Variants in KREMEN1 observed in about 807,000 individuals in gnomAD.
KREMEN1 encodes the protein kringle containing transmembrane protein 1, also known as kremen protein 1.
A neutral mutation model predicts 46.5 loss-of-function variants in KREMEN1; 30 were observed. That is an observed-to-expected ratio of 0.65 (90% CI 0.48 to 0.88). The LOEUF (loss-of-function observed/expected upper bound fraction) is 0.88. Ranked by LOEUF, KREMEN1 falls within the 40% of genes least tolerant of loss-of-function variation. The pLI is 0.00. For missense variants in KREMEN1, 533 were observed against 596.9 expected (o/e 0.89, Z 1.11); for synonymous variants, 214 against 230.6 (o/e 0.93, Z 0.65).
chr22:29,137,852 T>A (rs751216970), intron 6 of KREMEN1, among the ~76,000 whole-genome samples, 178 bp downstream of exon 6: 6 of 152,188 alleles, frequency 3.9e-5, no homozygotes, highest in East Asian at 3.9e-4. Flanking sequence ...TCATAACTCA[T>A]TTATGTTTCA....
At chr22:29,094,778 C>G (rs1015650874) in intron 2 of KREMEN1, among the ~76,000 whole-genome samples, 25 of 152,102 alleles carry the variant, frequency 1.6e-4, no homozygotes, top group Non-Finnish European at 5.9e-5. Context: ...CGCCCGCCAA[C>G]ACGCCCGGCT....
At chr22:29,161,802 C>T (rs536171661) in intron 9 of KREMEN1, among the ~76,000 whole-genome samples, 2 of 152,104 alleles carry the variant, frequency 1.3e-5, no homozygotes, top group Admixed American at 6.6e-5. Flanking sequence ...CAACAAAATA[C>T]TAGCAAACTG....
At chr22:29,159,308 A>T (rs1244094600) in intron 9 of KREMEN1, among the ~76,000 whole-genome samples, 1 of 151,996 alleles carries the variant, frequency 6.6e-6, no homozygotes, top group Non-Finnish European at 1.5e-5. Flanking sequence ...AGGTGTAAAC[A>T]TTCAGGAAGC....
At chr22:29,101,168 CT>C (rs1216802777) in intron 3 of KREMEN1, among the ~76,000 whole-genome samples, 1 of 144,150 alleles carries the variant, frequency 6.9e-6, no homozygotes, top group Non-Finnish European at 1.5e-5. Flanking sequence ...GCAAGAATCA[CT>C]TGAACCTGGG....
In KREMEN1 at chr22:29,142,121, C is replaced by A; in HGVS notation, c.*9C>A. 6.3e-7 allele frequency: 1 copy of A among 1,586,348 alleles called. No individual in the cohort carries two copies. On this transcript the variant is annotated 3_prime_UTR_variant, in exon 9 of 9. Coordinates refer to ENST00000400335, the MANE Select transcript of KREMEN1 (RefSeq NM_001039570.3). ...CCCTTGTGAGTGACTAAAAACCCCA[C>A]TGTGCCTAGGACTTGAGGTCCCTCT... is the stretch of plus-strand genomic sequence containing the variant.
chr22:29,131,351 T>C (rs2038529651), intron 5 of KREMEN1, among the ~76,000 whole-genome samples: 1 of 151,632 alleles, frequency 6.6e-6, no homozygotes, highest in South Asian at 2.1e-4. Flanking sequence ...ATAATGTACA[T>C]ACAGTAAAAA....
rs557282074 is a variant in KREMEN1 at position 29,123,346 on chromosome 22, T to TAA, written c.477+1877_477+1878dup. On this transcript the variant is annotated intron_variant, in intron 4 of 8. Transcript: ENST00000400335. ...GACTTGTATCCATAATGTGTAAAAT[T>TAA]AAAAAAAAAAAAAGCCAAACAACTC... Among the ~76,000 whole-genome samples, 64 of 119,194 alleles carry TAA rather than the reference T, an allele frequency of 5.4e-4. 1 individual carries two copies. In the East Asian group the frequency reaches 0.013, roughly 24 times the overall value. 78.2% of individuals were successfully genotyped at this position (119,194 alleles called of 152,430 possible).
rs148092381 is a variant in KREMEN1 at position 29,081,637 on chromosome 22, C to G, written c.97+8410C>G. Among the ~76,000 whole-genome samples, 26 of 152,256 alleles carry G rather than the reference C, an allele frequency of 1.7e-4. No individual in the cohort carries two copies. In the East Asian group the frequency reaches 2.9e-3, roughly 17 times the overall value. ...CTCCAAGTGACCAGAGATGATGGTT[C>G]CATCTACTTATAAATGAGTGTTACA... On this transcript the variant is annotated intron_variant, in intron 1 of 8. Transcript: ENST00000400335.
At chr22:29,163,626 C>G (rs2039030598) in intron 9 of KREMEN1, among the ~76,000 whole-genome samples, 1 of 152,172 alleles carries the variant, frequency 6.6e-6, no homozygotes, top group Non-Finnish European at 1.5e-5. Context: ...ATCCACCCAC[C>G]TCAGCCTCCC....
Position 29,073,748 on chromosome 22 carries a change from G to A in KREMEN1, c.97+521G>A, listed in dbSNP as rs778808855. On this transcript the variant is annotated intron_variant, in intron 1 of 8. Coordinates refer to ENST00000400335, the MANE Select transcript of KREMEN1 (RefSeq NM_001039570.3). The surrounding 1 kb of genome is among the most constrained non-coding windows in gnomAD (Gnocchi z 4.4). ...ATCCCCAGCGACTCCCCACGGGCCA[G>A]GAGGCCCCCTGCTCCCCGGTACCTC... 7.3e-5 allele frequency among the ~76,000 whole-genome samples: 11 copies of A among 151,116 alleles called. No individual in the cohort carries two copies. The highest frequency in any genetic ancestry group is 1.6e-4 in the Non-Finnish European group (11 of 67,644).
intron 5 of KREMEN1, among the ~76,000 whole-genome samples, chr22:29,133,590 CAT>C (rs2038602822): frequency 6.6e-6 from 1 of 152,200 alleles, no homozygotes; most frequent in Non-Finnish European, 1.5e-5. Context: ...CATGAGCCAC[CAT>C]GCCCAGACTG....
intron 9 of KREMEN1, among the ~76,000 whole-genome samples, chr22:29,160,841 C>G (rs1292763595): frequency 6.6e-6 from 1 of 151,926 alleles, no homozygotes; most frequent in South Asian, 2.1e-4. Flanking sequence ...ACAAGCTAAC[C>G]CAGAAGATAG....
At position 29,145,786 on chromosome 22, in the gene KREMEN1, T is replaced by C. The variant is rs965820394; in HGVS notation, c.*3674T>C. 39 of 985,250 alleles carry C rather than the reference T, an allele frequency of 4.0e-5. No individual in the cohort carries two copies. Among genetic ancestry groups the C allele is most frequent in the South Asian group, 4.7e-5 (1 of 21,282 alleles). The allele number at this position is 985,250 out of a possible 1,614,324, so 61.0% of individuals were successfully genotyped here. On this transcript the variant is annotated 3_prime_UTR_variant, in exon 9 of 9. Coordinates refer to ENST00000400335, the MANE Select transcript of KREMEN1 (RefSeq NM_001039570.3). ...CCAGGCTGCTCTAACTTCTGAAGAG[T>C]GGGCTCTGGCTCAAGACTCCAATCG... is the stretch of plus-strand genomic sequence containing the variant.
chr22:29,109,716 C>T (rs2038114008), intron 3 of KREMEN1, among the ~76,000 whole-genome samples: 1 of 152,144 alleles, frequency 6.6e-6, no homozygotes, highest in Non-Finnish European at 1.5e-5. Flanking sequence ...AGTCCAGTGT[C>T]ATTTACAGGA....
At chr22:29,155,609 T>G (rs1031692956) in intron 9 of KREMEN1, among the ~76,000 whole-genome samples, 10 of 152,134 alleles carry the variant, frequency 6.6e-5, no homozygotes, top group Non-Finnish European at 1.2e-4. Flanking sequence ...GGCTTGAATC[T>G]CTTACATTCA....
chr22:29,159,363 G>GCCTTTGGGAGGC (rs766317123), intron 9 of KREMEN1, among the ~76,000 whole-genome samples: 2 of 151,244 alleles, frequency 1.3e-5, no homozygotes, highest in Non-Finnish European at 2.9e-5. Context: ...GCTGATGCCT[G>GCCTTTGGGAGGC]TAATCCCAGC....
intron 3 of KREMEN1, among the ~76,000 whole-genome samples, chr22:29,116,477 C>T (rs898082885): frequency 1.3e-5 from 2 of 152,178 alleles, no homozygotes; most frequent in African/African-American, 2.4e-5. Flanking sequence ...TGATCTACCT[C>T]ATGGTGTGTT....
At chr22:29,112,820 C>T (rs142635951) in intron 3 of KREMEN1, among the ~76,000 whole-genome samples, 2 of 152,168 alleles carry the variant, frequency 1.3e-5, no homozygotes, top group Non-Finnish European at 2.9e-5. Context: ...GCTTTTCCTC[C>T]CTGCTTCTGG....
intron 1 of KREMEN1, among the ~76,000 whole-genome samples, chr22:29,076,266 C>T (rs912139421): frequency 2.6e-5 from 4 of 152,196 alleles, no homozygotes; most frequent in African/African-American, 9.7e-5. Context: ...TCTCCTCTAC[C>T]TCCTCATCTG....
Sources: gnomAD v4.1 joint callset for allele counts (sites outside exome capture counted in the v4.1 genomes callset) on GRCh38, gnomAD v4.1.1 for gene constraint, Gnocchi (gnomAD v3.1) non-coding constraint, MANE v1.5 for transcripts, NCBI Gene and HGNC (gene_info 2026-07-23, HGNC 2026-07-21) for gene names.